The following CTNNA3 variants were observed in gnomAD, a reference collection of about 807,000 sequenced individuals.
CTNNA3 encodes the protein catenin alpha 3.
A neutral mutation model predicts 95.7 loss-of-function variants in CTNNA3; 76 were observed. The observed-to-expected ratio is 0.79, with a 90% CI of 0.66 to 0.96. The LOEUF (loss-of-function observed/expected upper bound fraction) is 0.96. Ranked by LOEUF, CTNNA3 falls within the 40% of genes least tolerant of loss-of-function variation. The pLI is 0.00. For synonymous variants in CTNNA3, 431 were observed against 374.4 expected (o/e 1.15, Z -1.74); for missense variants, 1,191 against 1,089.8 (o/e 1.09, Z -1.31).
chr10:66,242,309 C>T (rs139667567), intron 13 of CTNNA3, among the ~76,000 whole-genome samples: 168 of 152,118 alleles, frequency 1.1e-3, no homozygotes, highest in African/African-American at 3.6e-3. Context: ...CAGCATTAAC[C>T]GTTAAAAATA....
In CTNNA3 at chr10:67,536,854, T is replaced by C. The variant is rs199978266; in HGVS notation, c.459+2649A>G. Among the ~76,000 whole-genome samples the C allele has an allele frequency of 1.3e-4, 20 of 152,264 alleles. No homozygotes were observed. The East Asian group carries it at 3.9e-3, about 29-fold the overall frequency. Reference sequence around the variant, plus strand: ...TCAAAGCATGCTCTACAGAATACTTTTGGGGAAATGTTGGGCTAAATAATT... The same window carrying C: ...TCAAAGCATGCTCTACAGAATACTTCTGGGGAAATGTTGGGCTAAATAATT... On this transcript the variant is annotated intron_variant, in intron 4 of 17. Transcript: ENST00000433211.
In CTNNA3 at chr10:67,233,892, T is replaced by C. The variant is rs185507217; in HGVS notation, c.580-14022A>G. Reference sequence around the variant, plus strand: ...GAGAATACTACAAACACCTCTACGCTAATAAACTAGAAAATCTAGAAGAAA... The same window carrying C: ...GAGAATACTACAAACACCTCTACGCCAATAAACTAGAAAATCTAGAAGAAA... On this transcript the variant is annotated intron_variant, in intron 5 of 17. Coordinates refer to ENST00000433211, the MANE Select transcript of CTNNA3 (RefSeq NM_013266.4). Among the ~76,000 whole-genome samples the C allele has an allele frequency of 1.4e-4, 22 of 152,098 alleles. No individual in the cohort carries two copies. The East Asian group carries it at 4.3e-3, about 29-fold the overall frequency.
At chr10:66,621,490 G>A (rs1414866941) in intron 10 of CTNNA3, among the ~76,000 whole-genome samples, 1 of 151,648 alleles carries the variant, frequency 6.6e-6, no homozygotes, top group Non-Finnish European at 1.5e-5. Flanking sequence ...CAGGCATGGT[G>A]GCGCATGCCT....
At chr10:66,303,809 G>A (rs1263501539) in intron 12 of CTNNA3, among the ~76,000 whole-genome samples, 1 of 152,040 alleles carries the variant, frequency 6.6e-6, no homozygotes, top group Non-Finnish European at 1.5e-5. Flanking sequence ...TAGCCAGGAT[G>A]GTCTTGATCT....
At chr10:67,725,842 G>A (rs985832779) in intron 1 of CTNNA3, among the ~76,000 whole-genome samples, 6 of 148,154 alleles carry the variant, frequency 4.0e-5, no homozygotes, top group South Asian at 2.1e-4. Flanking sequence ...AAGTCTTATT[G>A]TAAATACGTA....
At chr10:67,508,221 A>G (rs182189512) in intron 5 of CTNNA3, among the ~76,000 whole-genome samples, 82 of 152,288 alleles carry the variant, frequency 5.4e-4, no homozygotes, top group Non-Finnish European at 6.5e-4. Context: ...CATGTTGGCC[A>G]GGCTGGTCTC....
chr10:66,574,217 T>C (rs1842943435), intron 10 of CTNNA3, among the ~76,000 whole-genome samples: 1 of 151,880 alleles, frequency 6.6e-6, no homozygotes, highest in African/African-American at 2.4e-5. Context: ...TAATCCGGGG[T>C]GCAGTGGAGG....
intron 13 of CTNNA3, among the ~76,000 whole-genome samples, chr10:66,274,090 G>A (rs1237914785): frequency 6.6e-6 from 1 of 152,122 alleles, no homozygotes; most frequent in Non-Finnish European, 1.5e-5. Context: ...TCTAAGGCAA[G>A]GTTAGTAAAC....
intron 4 of CTNNA3, 68 bp downstream of exon 4, chr10:67,539,435 G>A (rs183863403): frequency 9.0e-6 from 14 of 1,551,072 alleles, no homozygotes; most frequent in African/African-American, 8.2e-5. Context: ...TAGGATCGAC[G>A]CCAGGTTCAG....
intron 5 of CTNNA3, among the ~76,000 whole-genome samples, chr10:67,437,417 CT>C (rs1846340005): frequency 6.6e-6 from 1 of 151,816 alleles, no homozygotes. Flanking sequence ...CAAATCACCA[CT>C]AAAGAACTTA....
Position 66,770,533 on chromosome 10 carries a change from C to T in CTNNA3, c.1129-4117G>A, listed in dbSNP as rs147046508. Among the ~76,000 whole-genome samples the T allele has an allele frequency of 7.0e-3, 1,073 of 152,284 alleles. 7 individuals carry two copies. Among genetic ancestry groups the T allele is most frequent in the African/African-American group, 0.024 (1,016 of 41,572 alleles). ...GTTAGAACAAAACCAAACTGAGGTG[C>T]TTTTCATCTTTTCTCACTACAGTTT... On this transcript the variant is annotated intron_variant, in intron 8 of 17. Transcript: ENST00000433211.
At chr10:66,375,793 T>C (rs936232406) in intron 12 of CTNNA3, among the ~76,000 whole-genome samples, 3 of 152,184 alleles carry the variant, frequency 2.0e-5, no homozygotes, top group African/African-American at 7.2e-5. Context: ...AAAAATTTAT[T>C]GGCTCAAAAT....
At chr10:67,440,971 A>T (rs1193827431) in intron 5 of CTNNA3, among the ~76,000 whole-genome samples, 2 of 152,176 alleles carry the variant, frequency 1.3e-5, no homozygotes, top group Non-Finnish European at 2.9e-5. Flanking sequence ...ACCAGGGACC[A>T]ATACTGGCGA....
At chr10:66,208,514 A>G (rs1340823052) in intron 13 of CTNNA3, among the ~76,000 whole-genome samples, 1 of 152,142 alleles carries the variant, frequency 6.6e-6, no homozygotes, top group Admixed American at 6.6e-5. Flanking sequence ...ATATATCGCC[A>G]TGGGTGCTTC....
intron 7 of CTNNA3, among the ~76,000 whole-genome samples, chr10:66,947,457 A>G (rs1311254619): frequency 6.6e-6 from 1 of 152,182 alleles, no homozygotes; most frequent in East Asian, 1.9e-4. Flanking sequence ...TGCTTCTTCT[A>G]CATAACTTTA....
intron 6 of CTNNA3, among the ~76,000 whole-genome samples, chr10:67,181,475 T>A (rs1416297146): frequency 6.6e-6 from 1 of 152,116 alleles, no homozygotes; most frequent in Non-Finnish European, 1.5e-5. Flanking sequence ...GAATAAAAGC[T>A]CTCTGAAGAA....
At chr10:67,130,608 G>A (rs1044686419) in intron 7 of CTNNA3, among the ~76,000 whole-genome samples, 9 of 152,122 alleles carry the variant, frequency 5.9e-5, no homozygotes, top group Admixed American at 3.3e-4. Context: ...AGGGCCTAAC[G>A]ATTTGTTGAA....
intron 5 of CTNNA3, among the ~76,000 whole-genome samples, chr10:67,491,188 A>G (rs1343964008): frequency 6.6e-6 from 1 of 152,242 alleles, no homozygotes; most frequent in African/African-American, 2.4e-5. Context: ...AAGATTATGA[A>G]GACTTTCACC....
intron 10 of CTNNA3, among the ~76,000 whole-genome samples, chr10:66,546,854 A>C (rs1203765132): frequency 6.6e-6 from 1 of 152,128 alleles, no homozygotes. Flanking sequence ...CATGGTCTTA[A>C]TTACTTTATT....
Sources: allele counts gnomAD v4.1 joint callset (sites outside exome capture counted in the v4.1 genomes callset), GRCh38; gene constraint gnomAD v4.1.1; transcripts MANE v1.5; gene names NCBI Gene and HGNC (gene_info 2026-07-23, HGNC 2026-07-21).